The following ITFG2 variants were observed in gnomAD, a reference collection of about 807,000 sequenced individuals.
The protein encoded by ITFG2 is integrin alpha FG-GAP repeat containing 2.
ITFG2 carries 36 observed loss-of-function variants against 54.4 expected under a neutral mutation model. The ratio of observed to expected loss-of-function variants is 0.66; its 90% confidence interval spans 0.51 to 0.87. The LOEUF is 0.87. ITFG2 is among the 40% of genes least tolerant of loss of function. The pLI is 0.00. For missense variants in ITFG2, 524 were observed against 576.7 expected (o/e 0.91, Z 0.94); for synonymous variants, 211 against 225.4 (o/e 0.94, Z 0.57).
At chr12:2,858,426 C>A in intron 3 of ITFG2, 1 of 536,090 alleles carries the variant, frequency 1.9e-6, no homozygotes, top group Non-Finnish European at 3.3e-6. Context: ...CAGCTCCTGG[C>A]AGGGACAGCA....
chr12:2,859,427 G>A (rs758292051), intron 3 of ITFG2: 6 of 1,613,928 alleles, frequency 3.7e-6, no homozygotes. Context: ...AATCCTCCCA[G>A]GAGTGAGATG....
downstream of ITFG2, chr12:2,826,913 C>T (rs564422008): frequency 8.8e-5 from 100 of 1,141,546 alleles, 2 homozygotes; most frequent in Middle Eastern, 1.8e-3. Flanking sequence ...CCCCATTGTG[C>T]TTAGGTTCCT....
At chr12:2,858,532 G>A (rs1282802301) in intron 3 of ITFG2, 1 of 956,618 alleles carries the variant, frequency 1.0e-6, no homozygotes, top group East Asian at 2.6e-5. Context: ...GCTATGAGGA[G>A]CAGAACAGTC....
chr12:2,858,668 G>A (rs1165379287), intron 3 of ITFG2: 1 of 1,614,016 alleles, frequency 6.2e-7, no homozygotes, highest in East Asian at 2.2e-5. Flanking sequence ...ACTGGGACCA[G>A]TTGATGTTGT....
chr12:2,819,616 G>T (rs1473267962), intron 4 of ITFG2: 2 of 149,202 alleles, frequency 1.3e-5, no homozygotes, highest in Non-Finnish European at 2.9e-5. Context: ...GGGTGACAAA[G>T]ACTCTGTCTC....
chr12:2,818,248 A>T lies in ITFG2; in HGVS notation c.377A>T (p.Asn126Ile). Residue 126 changes from asparagine (N) to isoleucine (I), a missense_variant, in exon 4 of 12, where the codon AAC becomes ATC. By Grantham distance (149) the Asn-to-Ile change is moderately radical. Coordinates refer to ENST00000228799, the MANE Select transcript of ITFG2 (RefSeq NM_018463.4). ...GTCTTCAAGCAGCACATCCCTGCCA[A>T]CACCAAGGTCATGCTGATCAGCGAC... ...RPVFKQHIPA[N>I]TKVMLISDID... is the part of the protein sequence containing the mutation. The T allele has an allele frequency of 1.9e-6, 3 of 1,613,738 alleles. No individual in the cohort carries two copies. The highest frequency in any genetic ancestry group is 2.5e-6 in the Non-Finnish European group (3 of 1,180,026).
Position 2,820,771 on chromosome 12 carries a change from G to C in ITFG2, c.594G>C (p.Leu198=), listed in dbSNP as rs759924227. Residue 198 remains leucine (L), a synonymous_variant, in exon 6 of 12, where the codon CTG becomes CTC. Transcript: ENST00000228799. ...TGGGGCCACTGGGTCTTCCTGAACTGATGGTGTCTCAGCCAGGTTGTGCGT... is the reference window on the plus strand; with the variant it reads ...TGGGGCCACTGGGTCTTCCTGAACTCATGGTGTCTCAGCCAGGTTGTGCGT... ...VTLGPLGLPE[L]MVSQPGCAYA... 6.2e-7 allele frequency: 1 copy of C among 1,614,006 alleles called. No homozygotes were observed. Among genetic ancestry groups the C allele is most frequent in the Non-Finnish European group, 8.5e-7 (1 of 1,179,958 alleles).
upstream of ITFG2, among the ~76,000 whole-genome samples, chr12:2,834,265 G>A (rs1230430235): frequency 6.6e-6 from 1 of 152,180 alleles, no homozygotes; most frequent in African/African-American, 2.4e-5. Flanking sequence ...TGGTTCGGGG[G>A]AAGCAGGAAG....
chr12:2,823,880 A>C lies in ITFG2; in HGVS notation c.1177A>C (p.Asn393His). Residue 393 changes from asparagine to histidine, a missense_variant, in exon 11 of 12, where the codon AAT (asparagine) becomes CAT (histidine). Asn to His is a moderately conservative substitution (Grantham distance 68). Transcript: ENST00000228799. ...EVQLERMESTNLVKLLETKPE... is the reference protein window; with the variant it reads ...EVQLERMESTHLVKLLETKPE... ...GCAGCTGGAGCGGATGGAGTCTACC[A>C]ATCTGGTGAAACTGCTGGAGACCAA... is the stretch of plus-strand genomic sequence containing the variant. 1.2e-6 allele frequency: 2 copies of C among 1,613,600 alleles called. No individual in the cohort carries two copies. Among genetic ancestry groups the C allele is most frequent in the Admixed American group, 3.3e-5 (2 of 59,986 alleles).
chr12:2,849,329 T>A, intron 2 of ITFG2: 1 of 1,536,176 alleles, frequency 6.5e-7, no homozygotes, highest in Non-Finnish European at 8.7e-7. Context: ...CTGTCCTTTA[T>A]CAGGGTTTGG....
intron 2 of ITFG2, chr12:2,849,194 G>T (rs752346322): frequency 3.3e-6 from 5 of 1,508,970 alleles, no homozygotes; most frequent in African/African-American, 2.8e-5. Flanking sequence ...GGAGCCTGGG[G>T]CTCTGGGTAT....
At chr12:2,859,157 G>T in intron 3 of ITFG2, 1 of 1,607,102 alleles carries the variant, frequency 6.2e-7, no homozygotes, top group South Asian at 1.1e-5. Context: ...CCACTTCCTG[G>T]GAGTAGCTGA....
At chr12:2,859,202 C>T (rs544627443) in intron 3 of ITFG2, 18 of 1,611,818 alleles carry the variant, frequency 1.1e-5, no homozygotes, top group South Asian at 3.3e-5. Context: ...CTGCTGGGAA[C>T]GGGAGCTCTG....
In ITFG2 at chr12:2,817,888, G is replaced by A. The variant is rs148100191; in HGVS notation, c.193-21G>A. ...CTGGTCTCCCTTAGCGTCTCCCTGAGCCTCCCTTTCTCTCTTACAGCTGAC... is the reference window on the plus strand; with the variant it reads ...CTGGTCTCCCTTAGCGTCTCCCTGAACCTCCCTTTCTCTCTTACAGCTGAC... On this transcript the variant is annotated intron_variant, in intron 2 of 11. Transcript: ENST00000228799. The A allele has an allele frequency of 1.4e-4, 228 of 1,612,212 alleles. 1 individual carries two copies. The African/African-American group carries it at 2.4e-3, about 17-fold the overall frequency.
chr12:2,827,395 C>T (rs1603483746), downstream of ITFG2: 1 of 1,528,188 alleles, frequency 6.5e-7, no homozygotes, highest in Non-Finnish European at 8.7e-7. This position sits in a 1 kb window ranked among gnomAD's most constrained non-coding sequence, Gnocchi z 4.0. Context: ...CCACAGCTTC[C>T]ACCTGCCTTT....
chr12:2,858,963 A>G (rs1266045156), intron 3 of ITFG2: 1 of 1,613,628 alleles, frequency 6.2e-7, no homozygotes, highest in Non-Finnish European at 8.5e-7. Flanking sequence ...GAGATCCATC[A>G]GCCCCAGGGG....
chr12:2,854,706 C>A (rs2098081729), intron 2 of ITFG2, among the ~76,000 whole-genome samples: 1 of 152,168 alleles, frequency 6.6e-6, no homozygotes, highest in Non-Finnish European at 1.5e-5. Flanking sequence ...TAGTGAAACT[C>A]CCTGCCTCCA....
chr12:2,848,885 A>G (rs2098061016), intron 2 of ITFG2, among the ~76,000 whole-genome samples: 1 of 149,964 alleles, frequency 6.7e-6, no homozygotes, highest in Non-Finnish European at 1.5e-5. Flanking sequence ...ACGCACACAC[A>G]CACACACACA....
At position 2,812,678 on chromosome 12, in the gene ITFG2, G is replaced by C; in HGVS notation, c.-83G>C. On this transcript the variant is annotated 5_prime_UTR_variant, in exon 1 of 12. Transcript: ENST00000228799. ...GTGACGTAACTTGCTGCCTTAGGTG[G>C]CCTTCCGCTCTGGCGGCTGTCGCGA... 2 of 1,137,328 alleles carry C rather than the reference G, an allele frequency of 1.8e-6. No homozygotes were observed. The highest frequency in any genetic ancestry group is 1.3e-5 in the South Asian group (1 of 79,436). The allele number at this position is 1,137,328 out of a possible 1,614,324, so 70.5% of individuals were successfully genotyped here. A position where few individuals can be genotyped will look rare whatever the true frequency, so the allele number is the denominator to read the frequency against.
Sources: gnomAD v4.1 joint callset for allele counts (sites outside exome capture counted in the v4.1 genomes callset) on GRCh38, gnomAD v4.1.1 for gene constraint, Gnocchi (gnomAD v3.1) non-coding constraint, MANE v1.5 for transcripts, NCBI Gene and HGNC (gene_info 2026-07-23, HGNC 2026-07-21) for gene names.